Variants in HLTF observed in about 807,000 individuals in gnomAD.
The protein encoded by HLTF is helicase like transcription factor.
A neutral mutation model predicts 129.4 loss-of-function variants in HLTF; 127 were observed. The observed-to-expected ratio is 0.98, with a 90% CI of 0.85 to 1.14. The LOEUF (loss-of-function observed/expected upper bound fraction) is 1.14, where lower values mean the gene tolerates loss of function less well. Ranked by LOEUF, HLTF falls within the 50% of genes most tolerant of loss-of-function variation. HLTF has a pLI of 0.00. For synonymous variants in HLTF, 332 were observed against 388.8 expected (o/e 0.85, Z 1.72); for missense variants, 1,139 against 1,187.1 (o/e 0.96, Z 0.60).
chr3:149,038,761 C>G (rs1023269182), intron 23 of HLTF, among the ~76,000 whole-genome samples: 1 of 152,166 alleles, frequency 6.6e-6, no homozygotes, highest in Non-Finnish European at 1.5e-5. Context: ...AATCCATTCA[C>G]CTTGGCCTCC....
chr3:149,058,780 G>T (rs1717683647), intron 13 of HLTF, among the ~76,000 whole-genome samples: 1 of 152,150 alleles, frequency 6.6e-6, no homozygotes, highest in African/African-American at 2.4e-5. Flanking sequence ...GATATACTTA[G>T]TTTGGTTAAA....
In HLTF at chr3:149,060,771, C is replaced by T; in HGVS notation, c.1240+8G>A. 6.2e-7 allele frequency: 1 copy of T among 1,610,482 alleles called. No individual in the cohort carries two copies. Among genetic ancestry groups the T allele is most frequent in the Non-Finnish European group, 8.5e-7 (1 of 1,176,802 alleles). On this transcript the variant is annotated splice_region_variant and intron_variant, in intron 11 of 24. Transcript: ENST00000310053. ...ACACATTATCAAATCAAATCTATTA[C>T]ATGTTACCTTTCATTTTCTGCGGCA... is the stretch of plus-strand genomic sequence containing the variant.
chr3:149,039,507 T>A, intron 22 of HLTF, 74 bp downstream of exon 22: 1 of 740,942 alleles, frequency 1.3e-6, no homozygotes, highest in Non-Finnish European at 2.1e-6. Flanking sequence ...AATTAAGTTT[T>A]TTTTTTTGCT....
rs1030956114 is a variant in HLTF at position 149,086,364 on chromosome 3, G to C, written c.-28C>G. ...CGCTGAGTGGGATGACAAGAGGAGC[G>C]CCTCGGCTCCCCTGGATCGTTTTCG... On this transcript the variant is annotated 5_prime_UTR_variant, in exon 1 of 25. Coordinates refer to ENST00000310053, the MANE Select transcript of HLTF (RefSeq NM_003071.4). 1.3e-6 allele frequency: 2 copies of C among 1,576,712 alleles called. No individual in the cohort carries two copies. Among genetic ancestry groups the C allele is most frequent in the African/African-American group, 2.7e-5 (2 of 74,034 alleles).
chr3:149,086,355 A>G lies in HLTF; in HGVS notation c.-19T>C. ...AGGACATGGCGCTGAGTGGGATGAC[A>G]AGAGGAGCGCCTCGGCTCCCCTGGA... On this transcript the variant is annotated 5_prime_UTR_variant, in exon 1 of 25. Coordinates refer to ENST00000310053, the MANE Select transcript of HLTF (RefSeq NM_003071.4). The G allele has an allele frequency of 6.3e-7, 1 of 1,584,706 alleles. No homozygotes were observed. Among genetic ancestry groups the G allele is most frequent in the Non-Finnish European group, 8.6e-7 (1 of 1,164,994 alleles).
chr3:149,061,786 A>C (rs542466141), intron 10 of HLTF, among the ~76,000 whole-genome samples: 2 of 151,572 alleles, frequency 1.3e-5, no homozygotes, highest in Admixed American at 1.3e-4. Flanking sequence ...CAGTGAGCCG[A>C]GATCATGCCA....
At position 149,030,186 on chromosome 3, in the gene HLTF, T is replaced by C. The variant is rs969361593; in HGVS notation, c.*2034A>G. On this transcript the variant is annotated 3_prime_UTR_variant, in exon 25 of 25. Coordinates refer to ENST00000310053, the MANE Select transcript of HLTF (RefSeq NM_003071.4). Reference sequence around the variant, plus strand: ...AATCCAGTTTTAACCACAAAATTGTTTGAATCACAAGTGGTAATACAATGT... The same window carrying C: ...AATCCAGTTTTAACCACAAAATTGTCTGAATCACAAGTGGTAATACAATGT... 1.3e-5 allele frequency: 2 copies of C among 152,212 alleles called. No homozygotes were observed. Among genetic ancestry groups the C allele is most frequent in the African/African-American group, 4.8e-5 (2 of 41,468 alleles). The allele number at this position is 152,212 out of a possible 1,614,324, so 9.4% of individuals were successfully genotyped here. A position where few individuals can be genotyped will look rare whatever the true frequency, so the allele number is the denominator to read the frequency against.
intron 7 of HLTF, among the ~76,000 whole-genome samples, chr3:149,069,689 G>A (rs1485073645): frequency 6.6e-6 from 1 of 151,964 alleles, no homozygotes; most frequent in Non-Finnish European, 1.5e-5. Flanking sequence ...TTTTTCATGC[G>A]ACACCATTTT....
intron 24 of HLTF, among the ~76,000 whole-genome samples, chr3:149,034,091 T>C (rs1052543633): frequency 1.3e-5 from 2 of 152,088 alleles, no homozygotes; most frequent in African/African-American, 4.8e-5. Context: ...AAACAAGATA[T>C]GTGAAATATA....
chr3:149,067,702 T>C (rs765019065), intron 8 of HLTF, among the ~76,000 whole-genome samples: 7 of 151,888 alleles, frequency 4.6e-5, no homozygotes, highest in South Asian at 2.1e-4. Context: ...AAAATAATAA[T>C]AATAAAAAAA....
chr3:149,081,486 A>C (rs1485811869), intron 2 of HLTF, among the ~76,000 whole-genome samples: 1 of 152,110 alleles, frequency 6.6e-6, no homozygotes, highest in Non-Finnish European at 1.5e-5. Context: ...CGAATGTAAG[A>C]GTAATTATTA....
intron 10 of HLTF, 38 bp downstream of exon 10, chr3:149,063,393 A>T (rs760838222): frequency 3.9e-6 from 5 of 1,292,706 alleles, no homozygotes; most frequent in South Asian, 2.4e-5. Flanking sequence ...AACAGAGTCT[A>T]AATAAACATA....
intron 5 of HLTF, among the ~76,000 whole-genome samples, chr3:149,072,914 T>C (rs1317493708): frequency 2.0e-5 from 3 of 152,204 alleles, no homozygotes; most frequent in Non-Finnish European, 4.4e-5. Context: ...TCAGCTTCAA[T>C]TTTTTTCTTA....
chr3:149,073,081 T>G (rs1719015997), intron 5 of HLTF, 144 bp downstream of exon 5: 1 of 459,330 alleles, frequency 2.2e-6, no homozygotes, highest in Non-Finnish European at 3.9e-6. Flanking sequence ...ATATATTCTA[T>G]TTATTCTATA....
At chr3:149,068,770 C>T (rs1382736059) in intron 7 of HLTF, among the ~76,000 whole-genome samples, 14 of 152,108 alleles carry the variant, frequency 9.2e-5, no homozygotes, top group Admixed American at 9.2e-4. Flanking sequence ...CATAACTTCT[C>T]CATAAAGCAT....
chr3:149,076,061 T>A lies in HLTF; in HGVS notation c.229-14A>T. ...ATTATTATTAACCTAATAAAAATGA[T>A]AAACAGATAATATTACATTATAAAT... On this transcript the variant is annotated splice_polypyrimidine_tract_variant and intron_variant, in intron 2 of 24. Coordinates refer to ENST00000310053, the MANE Select transcript of HLTF (RefSeq NM_003071.4). 1 of 981,490 alleles carries A rather than the reference T, an allele frequency of 1.0e-6. No homozygotes were observed. The highest frequency in any genetic ancestry group is 1.5e-6 in the Non-Finnish European group (1 of 653,796). The allele number at this position is 981,490 out of a possible 1,614,324, so 60.8% of individuals were successfully genotyped here.
chr3:149,075,624 A>T (rs1024511856), intron 3 of HLTF, among the ~76,000 whole-genome samples: 1 of 152,262 alleles, frequency 6.6e-6, no homozygotes, highest in Non-Finnish European at 1.5e-5. Flanking sequence ...GAGAAATGGA[A>T]TGTACTTCCT....
chr3:149,086,505 G>A lies in HLTF; in HGVS notation c.-169C>T. On this transcript the variant is annotated 5_prime_UTR_variant, in exon 1 of 25. The change creates a new upstream start codon in the 5' untranslated region. Transcript: ENST00000310053. ...TAAGTCGCCGCGAGTCCAGTCAGACGTCGACGCCGTCTCCTTCTGCAACAA... is the reference window on the plus strand; with the variant it reads ...TAAGTCGCCGCGAGTCCAGTCAGACATCGACGCCGTCTCCTTCTGCAACAA... 1.5e-6 allele frequency: 1 copy of A among 664,292 alleles called. No homozygotes were observed. Among genetic ancestry groups the A allele is most frequent in the African/African-American group, 1.8e-5 (1 of 55,120 alleles). 41.1% of individuals were successfully genotyped at this position (664,292 alleles called of 1,614,324 possible).
chr3:149,086,425 C>T lies in HLTF; in HGVS notation c.-89G>A. Reference sequence around the variant, plus strand: ...ATACGCCTCCTTCCAGGCCCCGCAGCCCTGAAGCCGGGGACAAATTCCGAG... The same window carrying T: ...ATACGCCTCCTTCCAGGCCCCGCAGTCCTGAAGCCGGGGACAAATTCCGAG... On this transcript the variant is annotated 5_prime_UTR_variant, in exon 1 of 25. Transcript: ENST00000310053. 3 of 1,462,678 alleles carry T rather than the reference C, an allele frequency of 2.1e-6. No individual in the cohort carries two copies. The highest frequency in any genetic ancestry group is 4.1e-5 in the Admixed American group (2 of 48,690). 90.6% of individuals were successfully genotyped at this position (1,462,678 alleles called of 1,614,324 possible). A position where few individuals can be genotyped will look rare whatever the true frequency, so the allele number is the denominator to read the frequency against.
Sources: allele counts gnomAD v4.1 joint callset (sites outside exome capture counted in the v4.1 genomes callset), GRCh38; gene constraint gnomAD v4.1.1; transcripts MANE v1.5; gene names NCBI Gene and HGNC (gene_info 2026-07-23, HGNC 2026-07-21).